Variants in INCENP observed in about 807,000 individuals in gnomAD.
INCENP encodes the protein binds and activates aurora-B and -C in vivo and in vitro.
A neutral mutation model predicts 107.3 loss-of-function variants in INCENP; 43 were observed. The ratio of observed to expected loss-of-function variants is 0.40; its 90% CI spans 0.31 to 0.52. The LOEUF (loss-of-function observed/expected upper bound fraction) is 0.52, where lower values mean the gene tolerates loss of function less well. Ranked by LOEUF, INCENP falls within the 20% of genes least tolerant of loss-of-function variation. INCENP has a pLI of 0.53. For missense variants in INCENP, 1,089 were observed against 1,250.9 expected, an observed-to-expected ratio of 0.87 and a Z score of 1.95; for synonymous variants, 488 against 494.4, an observed-to-expected ratio of 0.99 and a Z score of 0.17.
chr11:62,140,410 C>G (rs1170153694), intron 8 of INCENP, 125 bp downstream of exon 8: 6 of 906,806 alleles, frequency 6.6e-6, no homozygotes, highest in Admixed American at 6.1e-5. Context: ...GGGGTGTGGC[C>G]TGGTGTTGTG....
chr11:62,129,001 G>A (rs921768808), intron 3 of INCENP, 118 bp downstream of exon 3: 2 of 710,750 alleles, frequency 2.8e-6, no homozygotes, highest in East Asian at 5.4e-5. Context: ...GAGGGGTGGT[G>A]GGTACCACCG....
intron 4 of INCENP, among the ~76,000 whole-genome samples, chr11:62,133,207 T>G (rs967752116): frequency 2.0e-5 from 3 of 152,076 alleles, no homozygotes; most frequent in African/African-American, 7.2e-5. Flanking sequence ...ACACAAGGAT[T>G]TGAGTTCAAT....
At chr11:62,134,346 G>A (rs1000597080) in intron 4 of INCENP, among the ~76,000 whole-genome samples, 3 of 149,204 alleles carry the variant, frequency 2.0e-5, no homozygotes, top group East Asian at 3.9e-4. Context: ...CCAGGAGGTC[G>A]AGGCTGCACT....
In INCENP at chr11:62,150,169, A is replaced by G; in HGVS notation, c.2504A>G (p.Glu835Gly). 6.2e-7 allele frequency: 1 copy of G among 1,614,062 alleles called. No homozygotes were observed. Among genetic ancestry groups the G allele is most frequent in the South Asian group, 1.1e-5 (1 of 91,076 alleles). Residue 835 changes from glutamate to glycine, a missense_variant, in exon 18 of 19, where the codon GAG (glutamate) becomes GGG (glycine). Transcript: ENST00000394818. ...AATAGCGACGACTCCACCGATGATG[A>G]GGCCCATCCCCGGAAGCCCATCCCC... ...DLNSDDSTDDEAHPRKPIPTW... is the reference protein window; with the variant it reads ...DLNSDDSTDDGAHPRKPIPTW...
rs1943955235 is a variant in INCENP at position 62,134,689 on chromosome 11, T to TTAG, written c.1064-3142_1064-3141insAGT. ...ATTCTACATTTTGCAAATCTCTTTATTGTATGACTTTAAATAAGCCACATT... is the reference window on the plus strand; with the variant it reads ...ATTCTACATTTTGCAAATCTCTTTATTAGTGTATGACTTTAAATAAGCCACATT... On this transcript the variant is annotated intron_variant, in intron 4 of 18. Coordinates refer to ENST00000394818, the MANE Select transcript of INCENP (RefSeq NM_001040694.2). Among the ~76,000 whole-genome samples, 3 of 152,362 alleles carry TTAG rather than the reference T, an allele frequency of 2.0e-5. No individual in the cohort carries two copies. In the South Asian group the frequency reaches 6.2e-4, roughly 32 times the overall value.
chr11:62,139,600 G>A (rs1306456100), intron 7 of INCENP, among the ~76,000 whole-genome samples: 3 of 152,222 alleles, frequency 2.0e-5, no homozygotes, highest in Non-Finnish European at 4.4e-5. Flanking sequence ...AAGGGCTGCT[G>A]TGAGGAACTT....
At chr11:62,140,598 G>A in intron 8 of INCENP, 106 bp from the exon 9 acceptor site, 1 of 942,958 alleles carries the variant, frequency 1.1e-6, no homozygotes, top group Middle Eastern at 3.2e-4. Flanking sequence ...TTTCAGTCTA[G>A]AGGCCTGTGG....
chr11:62,149,773 T>C (rs566257972), intron 17 of INCENP, among the ~76,000 whole-genome samples: 1 of 151,964 alleles, frequency 6.6e-6, no homozygotes, highest in Non-Finnish European at 1.5e-5. Flanking sequence ...ATACAAAAAA[T>C]TGGCCGGGTG....
At chr11:62,141,623 G>A (rs1944125284) in intron 11 of INCENP, 112 bp downstream of exon 11, 3 of 1,396,258 alleles carry the variant, frequency 2.1e-6, no homozygotes, top group Admixed American at 3.4e-5. Flanking sequence ...TTGTAAGCGG[G>A]AGGGGAGCCT....
chr11:62,135,718 AT>A (rs1306008737), intron 4 of INCENP, among the ~76,000 whole-genome samples: 5 of 152,332 alleles, frequency 3.3e-5, no homozygotes, highest in African/African-American at 9.6e-5. Flanking sequence ...TTCTGACCTC[AT>A]CAGAAAAGTC....
At position 62,138,725 on chromosome 11, in the gene INCENP, G is replaced by C; in HGVS notation, c.1128G>C (p.Lys376Asn). Reference sequence around the variant, plus strand: ...CTTCTGTTTTCAGTTCTGAGCAGAAGGAACCCCCCGAGGAGGCTGAGCCTG... The same window carrying C: ...CTTCTGTTTTCAGTTCTGAGCAGAACGAACCCCCCGAGGAGGCTGAGCCTG... The part of the protein sequence containing the change: ...EVPQKVGSEQ[K>N]EPPEEAEPVA... The change falls in exon 6 of 19, where the codon AAG becomes AAC. Residue 376 changes from lysine to asparagine, a missense_variant. Coordinates refer to ENST00000394818, the MANE Select transcript of INCENP (RefSeq NM_001040694.2). 2 of 1,614,094 alleles carry C rather than the reference G, an allele frequency of 1.2e-6. No individual in the cohort carries two copies. The highest frequency in any genetic ancestry group is 1.7e-6 in the Non-Finnish European group (2 of 1,180,004).
At chr11:62,134,654 C>G (rs4963466) in intron 4 of INCENP, among the ~76,000 whole-genome samples, 45,595 of 152,012 alleles carry the variant, frequency 0.3, 7,004 homozygotes, top group South Asian at 0.41. Flanking sequence ...GTACTGAAGA[C>G]ACTGGCATTA....
At chr11:62,144,783 C>G (rs774147226) in intron 11 of INCENP, 199 bp from the exon 12 acceptor site, 3 of 762,754 alleles carry the variant, frequency 3.9e-6, no homozygotes, top group African/African-American at 3.4e-5. Context: ...TAGCTGAGTG[C>G]TCCTGGGAGG....
At chr11:62,126,771 A>G (rs1008262136) in intron 1 of INCENP, among the ~76,000 whole-genome samples, 1 of 152,166 alleles carries the variant, frequency 6.6e-6, no homozygotes, top group African/African-American at 2.4e-5. Context: ...CATATAACCT[A>G]CACACATCCT....
Position 62,152,178 on chromosome 11 carries a change from G to C in INCENP, c.*202G>C. 1 of 537,738 alleles carries C rather than the reference G, an allele frequency of 1.9e-6. No homozygotes were observed. The highest frequency in any genetic ancestry group is 3.3e-6 in the Non-Finnish European group (1 of 303,438). 33.3% of individuals were successfully genotyped at this position (537,738 alleles called of 1,614,324 possible). A position where few individuals can be genotyped will look rare whatever the true frequency, so the allele number is the denominator to read the frequency against. Reference sequence around the variant, plus strand: ...CAGGCCTGTTTGGAGGATGGGCTGGGTGGGTGGGTGGGGAAGAAATGGGCC... The same window carrying C: ...CAGGCCTGTTTGGAGGATGGGCTGGCTGGGTGGGTGGGGAAGAAATGGGCC... On this transcript the variant is annotated 3_prime_UTR_variant, in exon 19 of 19. Transcript: ENST00000394818.
chr11:62,126,676 C>A (rs767973340), intron 1 of INCENP, among the ~76,000 whole-genome samples: 1 of 152,176 alleles, frequency 6.6e-6, no homozygotes, highest in Non-Finnish European at 1.5e-5. Flanking sequence ...CTCTTGGAAT[C>A]CTCAGGGGAT....
At position 62,128,237 on chromosome 11, in the gene INCENP, A is replaced by T. The variant is rs1186497806; in HGVS notation, c.76A>T (p.Met26Leu). 6 of 1,614,170 alleles carry T rather than the reference A, an allele frequency of 3.7e-6. No individual in the cohort carries two copies. The highest frequency in any genetic ancestry group is 5.1e-6 in the Non-Finnish European group (6 of 1,180,010). ...GAAGCTCATGGAGTTTCTCTGCAAC[A>T]TGGATAATAAGGACTTGGTGTGGCT... is the stretch of plus-strand genomic sequence containing the variant. ...DQKLMEFLCN[M>L]DNKDLVWLEE... The change falls in exon 2 of 19, where the codon ATG becomes TTG. Residue 26 changes from methionine (M) to leucine (L), a missense_variant. Physicochemically the swap from Met to Leu is conservative, Grantham distance 15. Coordinates refer to ENST00000394818, the MANE Select transcript of INCENP (RefSeq NM_001040694.2).
rs761690248 is a variant in INCENP, at chr11:62,144,786, C to T, written c.1606-196C>T. 3 of 763,658 alleles carry T rather than the reference C, an allele frequency of 3.9e-6. No homozygotes were observed. In the Admixed American group the frequency reaches 5.1e-5, roughly 13 times the overall value. The allele number at this position is 763,658 out of a possible 1,614,324, so 47.3% of individuals were successfully genotyped here. A position where few individuals can be genotyped will look rare whatever the true frequency, so the allele number is the denominator to read the frequency against. On this transcript the variant is annotated intron_variant, in intron 11 of 18. Coordinates refer to ENST00000394818, the MANE Select transcript of INCENP (RefSeq NM_001040694.2). ...GCCCTTGCGAGGTAGCTGAGTGCTC[C>T]TGGGAGGAAAGGCGGGAGCTGCGGG...
chr11:62,145,512 G>C (rs984923807), intron 13 of INCENP, 117 bp from the exon 14 acceptor site: 11 of 1,376,580 alleles, frequency 8.0e-6, no homozygotes, highest in South Asian at 2.9e-5. Flanking sequence ...CTCCCTGGGT[G>C]GTGGGAACAA....
Sources: allele counts gnomAD v4.1 joint callset (sites outside exome capture counted in the v4.1 genomes callset), GRCh38; gene constraint gnomAD v4.1.1; transcripts MANE v1.5; gene names NCBI Gene and HGNC (gene_info 2026-07-23, HGNC 2026-07-21).